The following SLC4A4 variants were observed in gnomAD, a reference collection of about 807,000 sequenced individuals.
SLC4A4 encodes electrogenic sodium bicarbonate cotransporter 1.
In SLC4A4, 27 loss-of-function variants were observed where a neutral mutation model predicts 111.5. The ratio of observed to expected loss-of-function variants is 0.24; its 90% CI spans 0.18 to 0.33. The LOEUF (loss-of-function observed/expected upper bound fraction) is 0.33, where lower values mean the gene tolerates loss of function less well. Among genes scored for constraint, SLC4A4 ranks in the 10% least tolerant of loss-of-function variants. The pLI is 1.00. For missense variants in SLC4A4, 909 were observed against 1,315.5 expected (o/e 0.69, Z 4.78); for synonymous variants, 443 against 463.4 (o/e 0.96, Z 0.57).
intron 3 of SLC4A4, among the ~76,000 whole-genome samples, chr4:71,304,809 T>C (rs893988448): frequency 1.3e-5 from 2 of 152,212 alleles, no homozygotes; most frequent in African/African-American, 4.8e-5. Context: ...TAGTAAAAGT[T>C]GTCTTAGAGG....
chr4:71,511,966 A>G (rs1297647471), intron 16 of SLC4A4, among the ~76,000 whole-genome samples: 2 of 152,184 alleles, frequency 1.3e-5, no homozygotes, highest in Admixed American at 6.6e-5. Flanking sequence ...TTATGGCTAC[A>G]TAGTTTTCCA....
intron 1 of SLC4A4, among the ~76,000 whole-genome samples, chr4:71,196,924 T>G (rs1746036097): frequency 1.4e-5 from 2 of 144,750 alleles, no homozygotes; most frequent in South Asian, 4.4e-4. Context: ...TTATTTAAAC[T>G]GTATTTCTGG....
chr4:71,532,567 G>A (rs562091149), intron 17 of SLC4A4, among the ~76,000 whole-genome samples: 73 of 152,110 alleles, frequency 4.8e-4, no homozygotes, highest in Middle Eastern at 6.8e-3. Context: ...GTGTGGTGGT[G>A]CAATCTCAGC....
At chr4:71,286,410 G>C (rs1339014060) in intron 3 of SLC4A4, among the ~76,000 whole-genome samples, 2 of 152,220 alleles carry the variant, frequency 1.3e-5, no homozygotes, top group Non-Finnish European at 2.9e-5. Flanking sequence ...CTTTTGTACT[G>C]ATCAGCTGGT....
chr4:71,532,640 G>T (rs757251219), intron 17 of SLC4A4, among the ~76,000 whole-genome samples: 16 of 152,064 alleles, frequency 1.1e-4, no homozygotes, highest in Admixed American at 2.6e-4. Flanking sequence ...CAAGTAGCTG[G>T]TGCTGTAGGC....
At chr4:71,258,304 G>T (rs1300777495) in intron 3 of SLC4A4, among the ~76,000 whole-genome samples, 5 of 152,178 alleles carry the variant, frequency 3.3e-5, no homozygotes, top group Admixed American at 1.3e-4. Context: ...TTCTGTTCCT[G>T]TATGTTCTGG....
intron 3 of SLC4A4, among the ~76,000 whole-genome samples, chr4:71,307,751 TTTGAAAC>T (rs755380364): frequency 1.3e-5 from 2 of 152,200 alleles, no homozygotes; most frequent in African/African-American, 2.4e-5. Flanking sequence ...TGAGTACACC[TTTGAAAC>T]AAGGTTGCCT....
At chr4:71,492,792 G>A (rs116514462) in intron 15 of SLC4A4, among the ~76,000 whole-genome samples, 208 of 151,896 alleles carry the variant, frequency 1.4e-3, no homozygotes, top group African/African-American at 4.8e-3. Flanking sequence ...CTTTGAATAC[G>A]AGAGTTCTGC....
At chr4:71,518,822 G>A (rs1254841195) in intron 16 of SLC4A4, among the ~76,000 whole-genome samples, 1 of 152,164 alleles carries the variant, frequency 6.6e-6, no homozygotes, top group Non-Finnish European at 1.5e-5. Flanking sequence ...CTGGTGTGGG[G>A]GCAACCCGGA....
At chr4:71,376,933 G>A (rs1325139709) in intron 6 of SLC4A4, among the ~76,000 whole-genome samples, 1 of 152,034 alleles carries the variant, frequency 6.6e-6, no homozygotes, top group Non-Finnish European at 1.5e-5. Flanking sequence ...ACCTCACCTG[G>A]CCTCATTTGG....
At chr4:71,086,551 T>C (rs1216048971) in intron 1 of SLC4A4, among the ~76,000 whole-genome samples, 4 of 152,050 alleles carry the variant, frequency 2.6e-5, no homozygotes, top group Non-Finnish European at 5.9e-5. Context: ...TTATCATAGA[T>C]AGCTCTTATT....
chr4:71,538,443 A>G (rs920321311), intron 18 of SLC4A4, among the ~76,000 whole-genome samples: 1 of 152,158 alleles, frequency 6.6e-6, no homozygotes, highest in African/African-American at 2.4e-5. Flanking sequence ...AATAGGTGTC[A>G]GTCTTTTGTC....
At chr4:71,194,146 TATTA>T (rs1164183132) in intron 1 of SLC4A4, among the ~76,000 whole-genome samples, 1 of 152,198 alleles carries the variant, frequency 6.6e-6, no homozygotes, top group Non-Finnish European at 1.5e-5. Context: ...CTCTCTTACT[TATTA>T]GTTGTTTTGA....
intron 1 of SLC4A4, among the ~76,000 whole-genome samples, chr4:71,195,257 A>G (rs1463468289): frequency 3.2e-5 from 4 of 125,784 alleles, no homozygotes; most frequent in African/African-American, 7.0e-5. Flanking sequence ...TTTTTTTTTA[A>G]AGAGCTTATG....
At chr4:71,227,246 C>A (rs535698474) in intron 1 of SLC4A4, among the ~76,000 whole-genome samples, 58 of 152,064 alleles carry the variant, frequency 3.8e-4, no homozygotes, top group Admixed American at 7.2e-4. Context: ...AGCATGTACA[C>A]GAAGGTGTGG....
At chr4:71,321,802 C>T (rs537745419) in intron 3 of SLC4A4, among the ~76,000 whole-genome samples, 14 of 152,064 alleles carry the variant, frequency 9.2e-5, no homozygotes, top group African/African-American at 2.2e-4. Context: ...AATCCTACCA[C>T]GATGGCAATT....
At chr4:71,436,201 A>T (rs1724131218) in intron 7 of SLC4A4, among the ~76,000 whole-genome samples, 1 of 152,234 alleles carries the variant, frequency 6.6e-6, no homozygotes, top group Non-Finnish European at 1.5e-5. Flanking sequence ...AATGTGGCAT[A>T]TATACACCAT....
At chr4:71,195,506 A>C (rs1047511145) in intron 1 of SLC4A4, among the ~76,000 whole-genome samples, 2 of 152,116 alleles carry the variant, frequency 1.3e-5, no homozygotes, top group Non-Finnish European at 2.9e-5. Context: ...TACAGACATA[A>C]TGTTAGGAAA....
At chr4:71,494,965 A>G (rs1373911781) in intron 15 of SLC4A4, among the ~76,000 whole-genome samples, 1 of 152,126 alleles carries the variant, frequency 6.6e-6, no homozygotes, top group Non-Finnish European at 1.5e-5. Flanking sequence ...TTTATTAGCT[A>G]GAATTTAAGT....
Sources: gnomAD v4.1 joint callset for allele counts (sites outside exome capture counted in the v4.1 genomes callset) on GRCh38, gnomAD v4.1.1 for gene constraint, MANE v1.5 for transcripts, NCBI Gene and HGNC (gene_info 2026-07-23, HGNC 2026-07-21) for gene names.